The following IPO11 variants were observed in gnomAD, a reference collection of about 807,000 sequenced individuals.
IPO11 encodes importin-11.
In IPO11, 66 loss-of-function variants were observed where a neutral mutation model predicts 143.2. That is an observed-to-expected ratio of 0.46 (90% CI 0.38 to 0.57). The LOEUF (loss-of-function observed/expected upper bound fraction) is 0.57, where lower values mean the gene tolerates loss of function less well. Ranked by LOEUF, IPO11 falls within the 20% of genes least tolerant of loss-of-function variation. The pLI is 0.00. For synonymous variants in IPO11, 385 were observed against 377.8 expected (o/e 1.02, Z -0.22); for missense variants, 1,026 against 1,141.0 (o/e 0.90, Z 1.45).
intron 20 of IPO11, among the ~76,000 whole-genome samples, chr5:62,523,060 A>G (rs897705239): frequency 1.3e-5 from 2 of 152,190 alleles, no homozygotes; most frequent in Non-Finnish European, 2.9e-5. Context: ...TAAATCAGGT[A>G]GTTTGTCTTT....
chr5:62,485,149 C>T (rs567642703), intron 11 of IPO11, among the ~76,000 whole-genome samples: 1 of 152,042 alleles, frequency 6.6e-6, no homozygotes, highest in Non-Finnish European at 1.5e-5. Context: ...CTGGAAATGA[C>T]AACTACTTTG....
At chr5:62,494,200 T>C (rs1741047662) in intron 16 of IPO11, 76 bp downstream of exon 16, 12 of 1,340,174 alleles carry the variant, frequency 9.0e-6, no homozygotes, top group Non-Finnish European at 1.2e-5. Context: ...CACAACAGTT[T>C]ATGTCTTTTC....
intron 1 of IPO11, among the ~76,000 whole-genome samples, chr5:62,425,292 G>A (rs1378543507): frequency 6.6e-6 from 1 of 152,162 alleles, no homozygotes; most frequent in Non-Finnish European, 1.5e-5. Context: ...CTTACCATCA[G>A]GTGGCACTGC....
intron 19 of IPO11, among the ~76,000 whole-genome samples, chr5:62,509,174 A>C (rs1741664136): frequency 6.6e-6 from 1 of 152,242 alleles, no homozygotes; most frequent in Admixed American, 6.5e-5. Flanking sequence ...TATATAGTCA[A>C]AATAAATATG....
intron 19 of IPO11, among the ~76,000 whole-genome samples, chr5:62,507,561 A>T (rs2112267089): frequency 1.3e-5 from 2 of 152,298 alleles, no homozygotes; most frequent in East Asian, 3.9e-4. Context: ...CTAACTTAGG[A>T]TTTCATGAGC....
intron 27 of IPO11, among the ~76,000 whole-genome samples, chr5:62,584,496 C>G (rs189702749): frequency 6.6e-6 from 1 of 151,390 alleles, no homozygotes; most frequent in Admixed American, 6.6e-5. Flanking sequence ...GCCCGTAGTC[C>G]TAGCTACTCA....
chr5:62,535,915 A>G (rs1460212938), intron 22 of IPO11, among the ~76,000 whole-genome samples: 1 of 152,190 alleles, frequency 6.6e-6, no homozygotes, highest in Non-Finnish European at 1.5e-5. Flanking sequence ...ATAATTTTAC[A>G]CGTACAGCCT....
chr5:62,554,532 CTG>C (rs1229390765), intron 26 of IPO11, among the ~76,000 whole-genome samples: 1 of 152,136 alleles, frequency 6.6e-6, no homozygotes, highest in Non-Finnish European at 1.5e-5. Flanking sequence ...GTTGAAGTAA[CTG>C]TTTTTTCCCC....
intron 9 of IPO11, among the ~76,000 whole-genome samples, chr5:62,481,413 T>C (rs1443836409): frequency 6.6e-6 from 1 of 152,158 alleles, no homozygotes; most frequent in East Asian, 1.9e-4. Context: ...AAATAGCACT[T>C]TTTATTTTGA....
chr5:62,583,300 C>T (rs902666146), intron 27 of IPO11, among the ~76,000 whole-genome samples: 7 of 152,096 alleles, frequency 4.6e-5, no homozygotes, highest in Non-Finnish European at 8.8e-5. Flanking sequence ...CTTCTCCATG[C>T]CTCCCTTCCT....
intron 27 of IPO11, among the ~76,000 whole-genome samples, chr5:62,586,768 A>AAAAAAATATATATAT (rs1554057003): frequency 3.5e-5 from 1 of 28,918 alleles, no homozygotes; most frequent in African/African-American, 1.3e-4. Context: ...AAAAAAAAAA[A>AAAAAAATATATATAT]ATATATATAT....
chr5:62,606,555 G>A (rs1259021224), intron 29 of IPO11, among the ~76,000 whole-genome samples: 1 of 150,536 alleles, frequency 6.6e-6, no homozygotes, highest in Non-Finnish European at 1.5e-5. Flanking sequence ...AAATGTGTGC[G>A]GCCGGGTACG....
chr5:62,449,874 T>C, intron 3 of IPO11, 53 bp from the exon 4 acceptor site: 1 of 1,149,528 alleles, frequency 8.7e-7, no homozygotes, highest in Non-Finnish European at 1.3e-6. Context: ...CTTACCTACA[T>C]TTATTATTAG....
intron 26 of IPO11, among the ~76,000 whole-genome samples, chr5:62,555,234 G>A (rs895243915): frequency 2.0e-5 from 3 of 151,358 alleles, no homozygotes; most frequent in Non-Finnish European, 4.4e-5. Context: ...ACCAATTCAC[G>A]AACATGGTGT....
rs750556056 is a variant in IPO11 at position 62,561,122 on chromosome 5, T to G, written c.2461-14T>G. 35 of 1,597,942 alleles carry G rather than the reference T, an allele frequency of 2.2e-5. No individual in the cohort carries two copies. The highest frequency in any genetic ancestry group is 2.9e-5 in the Non-Finnish European group (34 of 1,173,214). ...ATTTTAGGTATTTTGAGATGCCTCCTCCTCTTGTTTCAGATGGACCAGCTT... is the reference window on the plus strand; with the variant it reads ...ATTTTAGGTATTTTGAGATGCCTCCGCCTCTTGTTTCAGATGGACCAGCTT... On this transcript the variant is annotated splice_polypyrimidine_tract_variant and intron_variant, in intron 26 of 29. Coordinates refer to ENST00000325324, the MANE Select transcript of IPO11 (RefSeq NM_016338.5).
At chr5:62,584,166 A>G (rs559181291) in intron 27 of IPO11, among the ~76,000 whole-genome samples, 38 of 152,322 alleles carry the variant, frequency 2.5e-4, no homozygotes, top group Middle Eastern at 3.4e-3. Flanking sequence ...TTTTAAAAAC[A>G]TATCTCTTAT....
At chr5:62,530,223 A>G (rs553239493) in intron 21 of IPO11, among the ~76,000 whole-genome samples, 32 of 152,298 alleles carry the variant, frequency 2.1e-4, no homozygotes, top group African/African-American at 7.5e-4. Context: ...TGGATACTTT[A>G]GTATATACAG....
At chr5:62,551,122 G>A (rs1743376300) in intron 25 of IPO11, 101 bp from the exon 26 acceptor site, 1 of 629,048 alleles carries the variant, frequency 1.6e-6, no homozygotes, top group African/African-American at 1.8e-5. Flanking sequence ...TAACATGGAG[G>A]AGAATGTTAT....
chr5:62,526,345 G>T, intron 21 of IPO11, 88 bp downstream of exon 21: 1 of 875,774 alleles, frequency 1.1e-6, no homozygotes, highest in East Asian at 2.5e-5. Flanking sequence ...CATGTAATAG[G>T]GCTTTAAAAA....
Sources: allele counts gnomAD v4.1 joint callset (sites outside exome capture counted in the v4.1 genomes callset), GRCh38; gene constraint gnomAD v4.1.1; transcripts MANE v1.5; gene names NCBI Gene and HGNC (gene_info 2026-07-23, HGNC 2026-07-21).